Variants in UMAD1 observed in about 807,000 individuals in gnomAD.
UMAD1 encodes UBAP1-MVB12-associated (UMA)-domain containing protein 1.
A neutral mutation model predicts 6.1 loss-of-function variants in UMAD1; 8 were observed. The observed-to-expected ratio is 1.30, with a 90% CI of 0.76 to 2.35. The LOEUF is 2.35. Among genes scored for constraint, UMAD1 ranks in the 30% most tolerant of loss-of-function variants. The probability of loss-of-function intolerance (pLI) is 0.00; values close to 1 mark genes in which losing one functional copy is unlikely to be tolerated. For missense variants in UMAD1, 130 were observed against 78.4 expected, an observed-to-expected ratio of 1.66 and a Z score of -2.49; for synonymous variants, 56 against 31.4, an observed-to-expected ratio of 1.78 and a Z score of -2.61.
chr7:7,774,914 G>A (rs764655546), intron 2 of UMAD1, among the ~76,000 whole-genome samples: 5 of 152,058 alleles, frequency 3.3e-5, no homozygotes, highest in Non-Finnish European at 7.4e-5. Flanking sequence ...TCTCTTCCTC[G>A]CAAAGGTAAC....
At chr7:7,654,819 G>A (rs895092866) in intron 1 of UMAD1, among the ~76,000 whole-genome samples, 4 of 150,958 alleles carry the variant, frequency 2.6e-5, no homozygotes, top group Admixed American at 6.6e-5. Context: ...CAGGAGAATC[G>A]CTTGAACCTG....
At chr7:7,841,449 A>T (rs1347429424) in intron 3 of UMAD1, among the ~76,000 whole-genome samples, 1 of 151,710 alleles carries the variant, frequency 6.6e-6, no homozygotes, top group Non-Finnish European at 1.5e-5. Context: ...GACCACAGGC[A>T]CACACCTCCA....
chr7:7,723,243 A>G (rs1414112302), intron 2 of UMAD1, among the ~76,000 whole-genome samples: 5 of 152,216 alleles, frequency 3.3e-5, no homozygotes, highest in African/African-American at 1.2e-4. Flanking sequence ...AAATCTGGAG[A>G]ACAGGCGTGG....
intron 3 of UMAD1, among the ~76,000 whole-genome samples, chr7:7,840,696 C>T (rs902937128): frequency 6.6e-6 from 1 of 152,134 alleles, no homozygotes; most frequent in Non-Finnish European, 1.5e-5. Flanking sequence ...TTATTATTGA[C>T]AGTGGCAATA....
chr7:7,769,200 G>A (rs1782053335), intron 2 of UMAD1, among the ~76,000 whole-genome samples: 1 of 152,072 alleles, frequency 6.6e-6, no homozygotes, highest in Non-Finnish European at 1.5e-5. Flanking sequence ...ACATGGTTAG[G>A]GAAATAGTTG....
rs540604273 is a variant in UMAD1, at chr7:7,716,734, A to T, written c.82+43281A>T. Among the ~76,000 whole-genome samples the T allele has an allele frequency of 4.5e-3, 688 of 152,322 alleles. 1 individual carries two copies. The highest frequency in any genetic ancestry group is 0.01 in the Middle Eastern group (3 of 294). ...GCCGAGGCAGGCGGATCACGAGGTC[A>T]GGAGATCGAGACCATCCTGGCTAAC... On this transcript the variant is annotated intron_variant, in intron 2 of 3. Coordinates refer to ENST00000682710, the MANE Select transcript of UMAD1 (RefSeq NM_001302348.2).
At chr7:7,756,630 G>A (rs1267841484) in intron 2 of UMAD1, among the ~76,000 whole-genome samples, 2 of 152,014 alleles carry the variant, frequency 1.3e-5, no homozygotes, top group East Asian at 3.8e-4. Flanking sequence ...CCACATCATG[G>A]GTTGCTTTTT....
chr7:7,816,448 C>A (rs539654266), intron 3 of UMAD1, among the ~76,000 whole-genome samples: 70 of 152,332 alleles, frequency 4.6e-4, no homozygotes, highest in African/African-American at 1.6e-3. Flanking sequence ...TTGCTGAAGG[C>A]TGTAGAGATG....
intron 3 of UMAD1, among the ~76,000 whole-genome samples, chr7:7,870,263 AACTAG>A (rs1184900922): frequency 6.6e-6 from 1 of 152,184 alleles, no homozygotes; most frequent in African/African-American, 2.4e-5. Context: ...CTCATATTTA[AACTAG>A]GTAAGGGCAA....
chr7:7,801,164 G>A (rs931063864), intron 2 of UMAD1, among the ~76,000 whole-genome samples: 3 of 152,160 alleles, frequency 2.0e-5, no homozygotes, highest in Admixed American at 6.5e-5. Flanking sequence ...GCTAGTTTAT[G>A]CATTTGTTCA....
At chr7:7,831,792 T>C (rs1783471891) in intron 3 of UMAD1, among the ~76,000 whole-genome samples, 1 of 152,210 alleles carries the variant, frequency 6.6e-6, no homozygotes, top group Non-Finnish European at 1.5e-5. Context: ...ATGAAAGGTA[T>C]TAATTTATAA....
At chr7:7,749,483 A>G (rs1781637309) in intron 2 of UMAD1, among the ~76,000 whole-genome samples, 1 of 152,158 alleles carries the variant, frequency 6.6e-6, no homozygotes, top group Non-Finnish European at 1.5e-5. Flanking sequence ...GGAGTGGGTA[A>G]GCGTTTTTTT....
At chr7:7,746,236 T>C (rs1781572606) in intron 2 of UMAD1, among the ~76,000 whole-genome samples, 1 of 152,204 alleles carries the variant, frequency 6.6e-6, no homozygotes, top group Non-Finnish European at 1.5e-5. Context: ...CACAGTGTAC[T>C]GTTCTCACTT....
At chr7:7,864,672 G>GT (rs1485127487) in intron 3 of UMAD1, among the ~76,000 whole-genome samples, 1 of 149,120 alleles carries the variant, frequency 6.7e-6, no homozygotes, top group African/African-American at 2.5e-5. Context: ...GAAGAATTGA[G>GT]TTTTTTTTCT....
intron 2 of UMAD1, among the ~76,000 whole-genome samples, chr7:7,755,932 A>G (rs538091725): frequency 1.3e-5 from 2 of 152,344 alleles, no homozygotes; most frequent in South Asian, 4.1e-4. Context: ...TTATAAATAT[A>G]TGGACTGACA....
intron 3 of UMAD1, among the ~76,000 whole-genome samples, chr7:7,817,151 C>T (rs377562771): frequency 1.9e-3 from 292 of 152,324 alleles, no homozygotes; most frequent in African/African-American, 6.3e-3. Context: ...TTATCCCATA[C>T]GTCTTGTGTT....
At chr7:7,786,844 C>T (rs536975413) in intron 2 of UMAD1, among the ~76,000 whole-genome samples, 17 of 152,176 alleles carry the variant, frequency 1.1e-4, no homozygotes, top group Admixed American at 2.6e-4. Flanking sequence ...ACTTTAAGTC[C>T]GGATGTGGTT....
chr7:7,732,384 C>G (rs930373205), intron 2 of UMAD1, among the ~76,000 whole-genome samples: 2 of 151,978 alleles, frequency 1.3e-5, no homozygotes, highest in Non-Finnish European at 2.9e-5. Context: ...AGTCTTCTAA[C>G]CTGGGATAAA....
At chr7:7,678,175 T>C (rs1429411745) in intron 2 of UMAD1, among the ~76,000 whole-genome samples, 1 of 151,940 alleles carries the variant, frequency 6.6e-6, no homozygotes, top group East Asian at 1.9e-4. Flanking sequence ...CTGGTCTTCA[T>C]ACTGGCTGTA....
Sources: allele counts gnomAD v4.1 joint callset (sites outside exome capture counted in the v4.1 genomes callset), GRCh38; gene constraint gnomAD v4.1.1; transcripts MANE v1.5; gene names NCBI Gene and HGNC (gene_info 2026-07-23, HGNC 2026-07-21).